The following KAZN variants were observed in gnomAD, a reference collection of about 807,000 sequenced individuals.
KAZN encodes the protein kazrin.
A neutral mutation model predicts 87.4 loss-of-function variants in KAZN; 40 were observed. The ratio of observed to expected loss-of-function variants is 0.46; its 90% CI spans 0.36 to 0.60. The LOEUF is 0.60. Among genes scored for constraint, KAZN ranks in the 20% least tolerant of loss-of-function variants. The pLI is 0.00. For synonymous variants in KAZN, 466 were observed against 458.3 expected (o/e 1.02, Z -0.22); for missense variants, 898 against 1,073.9 (o/e 0.84, Z 2.29).
intron 1 of KAZN, among the ~76,000 whole-genome samples, chr1:14,928,064 G>A (rs1659361308): frequency 6.6e-6 from 1 of 152,146 alleles, no homozygotes; most frequent in Admixed American, 6.5e-5. Flanking sequence ...ACTGCCCAAA[G>A]CCACACAGCC....
chr1:14,943,006 TG>T (rs35224698), intron 1 of KAZN, among the ~76,000 whole-genome samples: 24 of 101,630 alleles, frequency 2.4e-4, no homozygotes, highest in African/African-American at 5.6e-4. Context: ...TGTGTGTGTG[TG>T]GTGTGTGTGT....
At chr1:14,884,481 A>G (rs1479694080) in intron 1 of KAZN, among the ~76,000 whole-genome samples, 1 of 152,242 alleles carries the variant, frequency 6.6e-6, no homozygotes, top group Non-Finnish European at 1.5e-5. Flanking sequence ...GTTTAAGACT[A>G]TGCATATAAC....
chr1:14,866,071 G>C (rs778824337), intron 1 of KAZN, among the ~76,000 whole-genome samples: 2 of 152,098 alleles, frequency 1.3e-5, no homozygotes, highest in African/African-American at 2.4e-5. Context: ...CTTTGTTATA[G>C]CAGCCCTGGG....
chr1:13,999,861 G>A (rs1480854089), intron 1 of KAZN, among the ~76,000 whole-genome samples: 1 of 151,886 alleles, frequency 6.6e-6, no homozygotes. Context: ...TGATTAAAGG[G>A]GATATCACCA....
intron 1 of KAZN, among the ~76,000 whole-genome samples, chr1:14,867,708 C>T (rs1174626208): frequency 2.0e-5 from 3 of 148,292 alleles, no homozygotes; most frequent in Admixed American, 1.3e-4. Flanking sequence ...CTGCTTTACT[C>T]GGTGTCTTTG....
intron 1 of KAZN, among the ~76,000 whole-genome samples, chr1:14,887,794 G>T (rs907821727): frequency 6.6e-6 from 1 of 151,588 alleles, no homozygotes; most frequent in Non-Finnish European, 1.5e-5. Flanking sequence ...AATGAAATGT[G>T]TTGTTTCCCT....
chr1:14,952,240 CTG>C (rs56104480), intron 1 of KAZN, among the ~76,000 whole-genome samples: 3,583 of 143,842 alleles, frequency 0.025, 67 homozygotes, highest in East Asian at 0.045. Flanking sequence ...TTCTTTCCCA[CTG>C]TGTGTGTGTG....
At chr1:14,089,834 C>CA (rs1392020476) in intron 1 of KAZN, among the ~76,000 whole-genome samples, 1 of 152,132 alleles carries the variant, frequency 6.6e-6, no homozygotes, top group Non-Finnish European at 1.5e-5. Context: ...ACTAAATTAT[C>CA]TCAGCATTTG....
chr1:14,444,996 T>A (rs1305484672), intron 2 of KAZN, among the ~76,000 whole-genome samples: 2 of 151,412 alleles, frequency 1.3e-5, no homozygotes, highest in Admixed American at 1.3e-4. Context: ...AATGAGGTCA[T>A]TAGGGTGGGC....
At position 15,002,920 on chromosome 1, in the gene KAZN, G is replaced by A. The variant is rs527662319; in HGVS notation, c.419-31829G>A. On this transcript the variant is annotated intron_variant, in intron 2 of 14. Transcript: ENST00000376030. ...GAACTCAGGAGGTGGAGGTTACAGC[G>A]AGCCGAGATGGCGCCACTGCACTCC... Among the ~76,000 whole-genome samples, 8 of 152,116 alleles carry A rather than the reference G, an allele frequency of 5.3e-5. No individual in the cohort carries two copies. The South Asian group carries it at 1.0e-3, about 20-fold the overall frequency.
At chr1:14,156,143 T>C (rs1048376231) in intron 1 of KAZN, among the ~76,000 whole-genome samples, 2 of 152,232 alleles carry the variant, frequency 1.3e-5, no homozygotes, top group African/African-American at 4.8e-5. Flanking sequence ...ATTCGTATAG[T>C]TTCCAAAACT....
intron 2 of KAZN, among the ~76,000 whole-genome samples, chr1:14,239,231 T>A (rs1383766276): frequency 6.6e-6 from 1 of 152,180 alleles, no homozygotes; most frequent in East Asian, 1.9e-4. Context: ...ATGCTTTGCC[T>A]CTAGTCTTCT....
chr1:14,981,665 C>A (rs1234862636), intron 2 of KAZN, among the ~76,000 whole-genome samples: 1 of 152,218 alleles, frequency 6.6e-6, no homozygotes, highest in Non-Finnish European at 1.5e-5. Flanking sequence ...ACAATACTGG[C>A]TGCATTTCAG....
chr1:15,111,689 G>A (rs920167928), intron 13 of KAZN: 1 of 152,248 alleles, frequency 6.6e-6, no homozygotes, highest in African/African-American at 2.4e-5. Context: ...GACTTTTTCT[G>A]TATAAGGCCA....
rs184106187 is a variant in KAZN at position 14,083,116 on chromosome 1, A to G, written c.92-97319A>G. On this transcript the variant is annotated intron_variant, in intron 1 of 16. Transcript: ENST00000636203. ...TTTCCCTGCCACCTCTTCAGACATTAAAAGTCCAGGCTGTCCCCAGGGAAC... is the reference window on the plus strand; with the variant it reads ...TTTCCCTGCCACCTCTTCAGACATTGAAAGTCCAGGCTGTCCCCAGGGAAC... Among the ~76,000 whole-genome samples, 6 of 152,232 alleles carry G rather than the reference A, an allele frequency of 3.9e-5. No individual in the cohort carries two copies. The East Asian group carries it at 1.2e-3, about 29-fold the overall frequency.
At chr1:14,493,086 C>G (rs1440611165) in intron 2 of KAZN, among the ~76,000 whole-genome samples, 1 of 152,148 alleles carries the variant, frequency 6.6e-6, no homozygotes, top group Non-Finnish European at 1.5e-5. Context: ...ATCCACGCAG[C>G]CTTTCTGGAC....
chr1:14,554,777 G>A (rs1416226439), intron 2 of KAZN, among the ~76,000 whole-genome samples: 1 of 152,290 alleles, frequency 6.6e-6, no homozygotes, highest in Admixed American at 6.5e-5. Flanking sequence ...TTATCTGGGA[G>A]AAATCCTCTC....
chr1:14,313,511 C>T (rs1655448434), intron 2 of KAZN, among the ~76,000 whole-genome samples: 1 of 152,116 alleles, frequency 6.6e-6, no homozygotes, highest in Non-Finnish European at 1.5e-5. Context: ...CTTTTATAAG[C>T]CACTTAAAGT....
chr1:14,165,135 G>A (rs1033041058), intron 1 of KAZN, among the ~76,000 whole-genome samples: 1 of 152,000 alleles, frequency 6.6e-6, no homozygotes, highest in Non-Finnish European at 1.5e-5. Context: ...TGTGTACATA[G>A]CTAGTTTTAT....
Sources: allele counts gnomAD v4.1 joint callset (sites outside exome capture counted in the v4.1 genomes callset), GRCh38; gene constraint gnomAD v4.1.1; transcripts MANE v1.5; gene names NCBI Gene and HGNC (gene_info 2026-07-23, HGNC 2026-07-21).